Variants in ASTN2 observed in about 807,000 individuals in gnomAD.
The protein encoded by ASTN2 is astrotactin 2, also known as astrotactin-2.
A neutral mutation model predicts 139.8 loss-of-function variants in ASTN2; 54 were observed. That is an observed-to-expected ratio of 0.39 (90% CI 0.31 to 0.48). ASTN2 has a LOEUF of 0.48. Among genes scored for constraint, ASTN2 ranks in the 20% least tolerant of loss-of-function variants. The pLI is 0.95. For synonymous variants in ASTN2, 756 were observed against 719.5 expected (o/e 1.05, Z -0.81); for missense variants, 1,565 against 1,725.1 (o/e 0.91, Z 1.64).
chr9:116,664,246 T>C (rs1413336426), intron 16 of ASTN2, among the ~76,000 whole-genome samples: 2 of 151,834 alleles, frequency 1.3e-5, no homozygotes, highest in East Asian at 3.9e-4. Flanking sequence ...TTTAAGGTTT[T>C]TTGTTTTTTT....
At chr9:116,694,614 C>G (rs1392886673) in intron 16 of ASTN2, among the ~76,000 whole-genome samples, 1 of 145,384 alleles carries the variant, frequency 6.9e-6, no homozygotes, top group Non-Finnish European at 1.5e-5. Context: ...GCGCCTGCCA[C>G]CACGCCCAGC....
intron 2 of ASTN2, among the ~76,000 whole-genome samples, chr9:117,228,119 T>C (rs373009038): frequency 1.3e-5 from 2 of 152,234 alleles, no homozygotes; most frequent in East Asian, 3.9e-4. Context: ...CAATAACAGG[T>C]GCCTTTTCCT....
intron 13 of ASTN2, among the ~76,000 whole-genome samples, chr9:116,769,013 C>T (rs1426468258): frequency 2.6e-5 from 4 of 152,110 alleles, no homozygotes; most frequent in Non-Finnish European, 5.9e-5. Context: ...ATATACCTTA[C>T]TTTACTATAA....
chr9:116,723,908 C>T (rs374683809), intron 16 of ASTN2, among the ~76,000 whole-genome samples: 208 of 152,230 alleles, frequency 1.4e-3, no homozygotes, highest in Non-Finnish European at 2.3e-3. Flanking sequence ...CACAAGTTTG[C>T]GGCAAAGCCA....
intron 22 of ASTN2, among the ~76,000 whole-genome samples, chr9:116,433,536 T>G (rs1220164339): frequency 6.6e-6 from 1 of 152,244 alleles, no homozygotes; most frequent in Non-Finnish European, 1.5e-5. Flanking sequence ...TTCATTATTT[T>G]ATATATTTCT....
Position 117,008,265 on chromosome 9 carries a change from G to A in ASTN2, c.1424-6C>T. 1 of 1,588,648 alleles carries A rather than the reference G, an allele frequency of 6.3e-7. No homozygotes were observed. Among genetic ancestry groups the A allele is most frequent in the Non-Finnish European group, 8.6e-7 (1 of 1,167,284 alleles). On this transcript the variant is annotated splice_region_variant and splice_polypyrimidine_tract_variant and intron_variant, in intron 6 of 22. Coordinates refer to ENST00000313400, the MANE Select transcript of ASTN2 (RefSeq NM_001365068.1). ...ACTCACCACGAAGCTGCTTCCTATG[G>A]GTGAACGGAGAGACAGATACTTTCT...
intron 1 of ASTN2, among the ~76,000 whole-genome samples, chr9:117,347,618 T>C (rs1829261666): frequency 6.6e-6 from 1 of 152,164 alleles, no homozygotes; most frequent in Admixed American, 6.5e-5. Context: ...CACACCCAAT[T>C]ATCTGTTCTT....
chr9:116,902,454 C>A (rs1834036610), intron 10 of ASTN2, among the ~76,000 whole-genome samples: 3 of 152,106 alleles, frequency 2.0e-5, no homozygotes, highest in African/African-American at 7.2e-5. Context: ...AAAAAATATA[C>A]CATATTTTGG....
At chr9:116,567,520 T>A (rs1853295786) in intron 19 of ASTN2, among the ~76,000 whole-genome samples, 1 of 152,142 alleles carries the variant, frequency 6.6e-6, no homozygotes, top group Non-Finnish European at 1.5e-5. Context: ...GGGGCTCTCA[T>A]GTCCCTAAAA....
At chr9:116,565,820 C>A in intron 19 of ASTN2, among the ~76,000 whole-genome samples, 1 of 152,042 alleles carries the variant, frequency 6.6e-6, no homozygotes, top group Non-Finnish European at 1.5e-5. Context: ...TGGCTCCAAT[C>A]CAATAAGTTG....
At chr9:116,679,045 C>A (rs1252125703) in intron 16 of ASTN2, among the ~76,000 whole-genome samples, 1 of 152,130 alleles carries the variant, frequency 6.6e-6, no homozygotes, top group Non-Finnish European at 1.5e-5. Context: ...GAGACAAATT[C>A]AGTTAGCCTC....
intron 5 of ASTN2, among the ~76,000 whole-genome samples, chr9:117,090,060 G>A (rs967068181): frequency 5.3e-5 from 8 of 152,162 alleles, no homozygotes; most frequent in Non-Finnish European, 1.0e-4. Flanking sequence ...CATATCAATG[G>A]TTTAAGGCAG....
At chr9:116,560,944 A>C (rs1238923517) in intron 19 of ASTN2, among the ~76,000 whole-genome samples, 1 of 152,238 alleles carries the variant, frequency 6.6e-6, no homozygotes, top group Non-Finnish European at 1.5e-5. Context: ...GAAAGTTTCC[A>C]CAAGAACAAA....
intron 5 of ASTN2, among the ~76,000 whole-genome samples, chr9:117,050,849 C>T (rs1002723326): frequency 3.3e-5 from 5 of 152,086 alleles, no homozygotes; most frequent in African/African-American, 9.7e-5. Context: ...GAGGCTTTTC[C>T]TGATGGCCCA....
intron 4 of ASTN2, among the ~76,000 whole-genome samples, chr9:117,108,497 C>T (rs1241741451): frequency 6.9e-6 from 1 of 144,508 alleles, no homozygotes; most frequent in African/African-American, 2.5e-5. Flanking sequence ...CTGTTGGGAG[C>T]CCATAATGTG....
At chr9:116,636,973 T>C (rs187074922) in intron 17 of ASTN2, among the ~76,000 whole-genome samples, 1 of 152,308 alleles carries the variant, frequency 6.6e-6, no homozygotes, top group African/African-American at 2.4e-5. Flanking sequence ...CTTTCTGCCA[T>C]GTTAAGGACA....
chr9:116,923,628 A>G (rs1443140880), intron 10 of ASTN2, among the ~76,000 whole-genome samples: 1 of 152,188 alleles, frequency 6.6e-6, no homozygotes, highest in African/African-American at 2.4e-5. Context: ...ACCCCTGGAG[A>G]TGGAGATTTC....
At chr9:116,870,003 CAGGAAGCTGAGGTAGG>C (rs1279243243) in intron 10 of ASTN2, among the ~76,000 whole-genome samples, 3 of 149,862 alleles carry the variant, frequency 2.0e-5, no homozygotes, top group African/African-American at 7.4e-5. Context: ...ACCAGTTACT[CAGGAAGCTGAGGTAGG>C]AGGATTGCTT....
intron 5 of ASTN2, among the ~76,000 whole-genome samples, chr9:117,058,066 G>A (rs1839114492): frequency 6.6e-6 from 1 of 152,196 alleles, no homozygotes; most frequent in Non-Finnish European, 1.5e-5. Context: ...CAGGTAGAGA[G>A]GGATACAGAA....
Sources: allele counts gnomAD v4.1 joint callset (sites outside exome capture counted in the v4.1 genomes callset), GRCh38; gene constraint gnomAD v4.1.1; transcripts MANE v1.5; gene names NCBI Gene and HGNC (gene_info 2026-07-23, HGNC 2026-07-21).